The following SCN9A variants were observed in gnomAD, a reference collection of about 807,000 sequenced individuals.
The protein encoded by SCN9A is sodium channel protein type 9 subunit alpha.
SCN9A carries 131 observed loss-of-function variants against 187.0 expected under a neutral mutation model. The ratio of observed to expected loss-of-function variants is 0.70; its 90% CI spans 0.61 to 0.81. The LOEUF is 0.81. Ranked by LOEUF, SCN9A falls within the 30% of genes least tolerant of loss-of-function variation. The probability of loss-of-function intolerance (pLI) is 0.00; values close to 1 mark genes in which losing one functional copy is unlikely to be tolerated. For missense variants in SCN9A, 2,252 were observed against 2,396.6 expected (o/e 0.94, Z 1.26); for synonymous variants, 809 against 808.6 (o/e 1.00, Z -0.01).
chr2:166,223,371 TAC>T (rs141123431), intron 24 of SCN9A, among the ~76,000 whole-genome samples: 11 of 151,104 alleles, frequency 7.3e-5, no homozygotes, highest in Admixed American at 2.0e-4. Flanking sequence ...CGTGTGCACG[TAC>T]ACACACACAC....
chr2:166,208,083 C>T (rs1230979489), intron 24 of SCN9A, among the ~76,000 whole-genome samples: 5 of 152,114 alleles, frequency 3.3e-5, no homozygotes, highest in African/African-American at 4.8e-5. Flanking sequence ...GAGAAACTTG[C>T]GTGGGTGTTT....
At position 166,304,277 on chromosome 2, in the gene SCN9A, T is replaced by C; in HGVS notation, c.649A>G (p.Arg217Gly). ...LGNVSALRTF[R>G]VLRALKTISV... ...ATAGTTTTCAAAGCTCTCAATACTC[T>C]GAAAGTTCGAAGAGCTGAAACATTG... The change falls in exon 6 of 27, where the codon AGA becomes GGA. Residue 217 changes from arginine to glycine, a missense_variant. By Grantham distance (125) the Arg-to-Gly change is moderately radical. Coordinates refer to ENST00000642356, the MANE Select transcript of SCN9A (RefSeq NM_001365536.1). The C allele has an allele frequency of 6.2e-7, 1 of 1,613,588 alleles. No individual in the cohort carries two copies. Among genetic ancestry groups the C allele is most frequent in the Non-Finnish European group, 8.5e-7 (1 of 1,179,562 alleles).
intron 1 of SCN9A, among the ~76,000 whole-genome samples, chr2:166,324,129 G>T (rs535055981): frequency 6.6e-6 from 1 of 151,278 alleles, no homozygotes; most frequent in East Asian, 1.9e-4. Context: ...ATCTTATTTC[G>T]ATAAAATTAC....
intron 1 of SCN9A, among the ~76,000 whole-genome samples, chr2:166,358,514 T>C (rs1346913440): frequency 6.6e-6 from 1 of 152,188 alleles, no homozygotes; most frequent in Non-Finnish European, 1.5e-5. Context: ...TAATAGACTA[T>C]CAGTGTTTTA....
chr2:166,353,008 TG>T (rs983665203), intron 1 of SCN9A, among the ~76,000 whole-genome samples: 31 of 94,070 alleles, frequency 3.3e-4, no homozygotes, highest in African/African-American at 1.4e-3. Context: ...CCATTGTATC[TG>T]TTTTTTTTTT....
intron 17 of SCN9A, among the ~76,000 whole-genome samples, chr2:166,262,247 A>C (rs1696540407): frequency 6.6e-6 from 1 of 152,042 alleles, no homozygotes; most frequent in South Asian, 2.1e-4. Flanking sequence ...GCAAAAATAA[A>C]TATACAGATA....
intron 24 of SCN9A, among the ~76,000 whole-genome samples, chr2:166,219,742 A>T: frequency 6.6e-6 from 1 of 152,218 alleles, no homozygotes; most frequent in Non-Finnish European, 1.5e-5. Context: ...AAGTCAAAAA[A>T]GTCACACAAT....
At chr2:166,259,312 A>G (rs1287400238) in intron 17 of SCN9A, 1 of 151,716 alleles carries the variant, frequency 6.6e-6, no homozygotes, top group Non-Finnish European at 1.5e-5. Flanking sequence ...TTAGGTACTG[A>G]ATTTTAGAAA....
intron 7 of SCN9A, chr2:166,302,693 TAATA>T (rs1432637773): frequency 2.0e-5 from 3 of 149,338 alleles, no homozygotes; most frequent in Non-Finnish European, 4.4e-5. Flanking sequence ...AAATCTATCA[TAATA>T]AATATGTCAC....
intron 24 of SCN9A, among the ~76,000 whole-genome samples, chr2:166,208,916 T>G (rs183624578): frequency 6.6e-6 from 1 of 152,344 alleles, no homozygotes; most frequent in East Asian, 1.9e-4. Context: ...TTTATTCATT[T>G]TCATCAAGAT....
chr2:166,360,719 T>A (rs868659639), intron 1 of SCN9A, among the ~76,000 whole-genome samples: 1 of 152,166 alleles, frequency 6.6e-6, no homozygotes, highest in Non-Finnish European at 1.5e-5. Flanking sequence ...AAAGTTATCA[T>A]GTAGAATAGA....
At chr2:166,226,522 T>C in intron 24 of SCN9A, 45 bp downstream of exon 24, 1 of 1,300,116 alleles carries the variant, frequency 7.7e-7, no homozygotes, top group South Asian at 1.6e-5. Context: ...TGGAAAATAA[T>C]TGTTCATCCC....
chr2:166,295,552 A>AAAAGACACTT (rs1021306192), intron 7 of SCN9A, among the ~76,000 whole-genome samples: 10 of 152,280 alleles, frequency 6.6e-5, no homozygotes, highest in Admixed American at 1.3e-4. Context: ...GAAAGTGTGT[A>AAAAGACACTT]TCTAAAGACA....
intron 1 of SCN9A, among the ~76,000 whole-genome samples, chr2:166,326,876 C>T (rs114267271): frequency 3.0e-4 from 46 of 152,120 alleles, no homozygotes; most frequent in Admixed American, 1.3e-3. Flanking sequence ...AAATAACATC[C>T]TAGGGAGTCT....
intron 22 of SCN9A, 56 bp from the exon 23 acceptor site, chr2:166,227,779 A>G: frequency 1.1e-6 from 1 of 891,328 alleles, no homozygotes; most frequent in Middle Eastern, 2.1e-4. Context: ...TAAAATAGCC[A>G]TAAACAGAGT....
At chr2:166,304,093 T>C in intron 6 of SCN9A, 145 bp downstream of exon 6, 6 of 1,613,612 alleles carry the variant, frequency 3.7e-6, no homozygotes, top group Non-Finnish European at 4.2e-6. Context: ...TGCTGAGACA[T>C]TGCCCAGGTC....
chr2:166,311,450 A>G, intron 2 of SCN9A, 49 bp downstream of exon 2: 3 of 1,392,604 alleles, frequency 2.2e-6, no homozygotes, highest in South Asian at 4.3e-5. Context: ...TAATTTTTAT[A>G]CAGAAGGAAG....
chr2:166,311,940 G>C (rs548464529), intron 1 of SCN9A, 134 bp from the exon 2 acceptor site: 1 of 504,588 alleles, frequency 2.0e-6, no homozygotes, highest in East Asian at 3.1e-5. Flanking sequence ...TTATCAGCTT[G>C]TTAAGGGATT....
rs917476647 is a variant in SCN9A at position 166,198,172 on chromosome 2, A to G, written c.*500T>C. 4 of 154,732 alleles carry G rather than the reference A, an allele frequency of 2.6e-5. No individual in the cohort carries two copies. The highest frequency in any genetic ancestry group is 9.6e-5 in the African/African-American group (4 of 41,474). The allele number at this position is 154,732 out of a possible 1,614,324, so 9.6% of individuals were successfully genotyped here. On this transcript the variant is annotated 3_prime_UTR_variant, in exon 27 of 27. Coordinates refer to ENST00000642356, the MANE Select transcript of SCN9A (RefSeq NM_001365536.1). The stretch of plus-strand genomic sequence containing the variant: ...AACCTCTGTACATTGATAAAAAGTC[A>G]AGCTCCCTAATAATGCATTTTAACT...
Sources: allele counts gnomAD v4.1 joint callset (sites outside exome capture counted in the v4.1 genomes callset), GRCh38; gene constraint gnomAD v4.1.1; transcripts MANE v1.5; gene names NCBI Gene and HGNC (gene_info 2026-07-23, HGNC 2026-07-21).